GOSR2: variants seen among roughly 807,000 people sequenced by gnomAD.
GOSR2 encodes golgi SNAP receptor complex member 2.
GOSR2 carries 20 observed loss-of-function variants against 27.9 expected under a neutral mutation model. The observed-to-expected ratio is 0.72, with a 90% CI of 0.50 to 1.04. The LOEUF is 1.04. Among genes scored for constraint, GOSR2 ranks in the 50% least tolerant of loss-of-function variants. The pLI is 0.00. For synonymous variants in GOSR2, 91 were observed against 98.8 expected (o/e 0.92, Z 0.47); for missense variants, 261 against 270.5 (o/e 0.97, Z 0.25).
At chr17:46,949,856 G>A (rs1400079821) in intron 6 of GOSR2, among the ~76,000 whole-genome samples, 1 of 152,190 alleles carries the variant, frequency 6.6e-6, no homozygotes, top group African/African-American at 2.4e-5. Flanking sequence ...TGGAGCTCAG[G>A]CTTCAGGTTC....
At chr17:46,936,697 C>A (rs1284674419) in intron 5 of GOSR2, 2 of 984,566 alleles carry the variant, frequency 2.0e-6, no homozygotes, top group Non-Finnish European at 2.4e-6. Flanking sequence ...TGATCCTTAG[C>A]CTCATACAGT....
downstream of GOSR2, among the ~76,000 whole-genome samples, chr17:46,971,488 C>A (rs1302802163): frequency 6.6e-6 from 1 of 152,156 alleles, no homozygotes; most frequent in African/African-American, 2.4e-5. Flanking sequence ...CAGTGCCCCA[C>A]CCTAGCCTGG....
chr17:46,947,397 C>A (rs79288763), intron 6 of GOSR2, among the ~76,000 whole-genome samples: 1 of 152,136 alleles, frequency 6.6e-6, no homozygotes, highest in Non-Finnish European at 1.5e-5. Flanking sequence ...ACCAACCAGG[C>A]GGAGGCAGGG....
intron 5 of GOSR2, chr17:46,937,455 C>T (rs776290401): frequency 1.3e-5 from 2 of 152,196 alleles, no homozygotes; most frequent in Admixed American, 1.3e-4. Flanking sequence ...ATATAATTTA[C>T]AGACAGTAAG....
At chr17:46,956,274 GTCCTT>G (rs2090701424) in intron 6 of GOSR2, among the ~76,000 whole-genome samples, 2 of 126,098 alleles carry the variant, frequency 1.6e-5, no homozygotes, top group Admixed American at 1.9e-4. Context: ...TGCCTTGCCA[GTCCTT>G]TTTTTTTTTT....
chr17:46,963,530 T>G (rs1166476484), intron 6 of GOSR2, among the ~76,000 whole-genome samples: 1 of 116,662 alleles, frequency 8.6e-6, no homozygotes, highest in Non-Finnish European at 1.8e-5. Flanking sequence ...GGCGACAGAG[T>G]GAGGCTCGGT....
chr17:46,956,780 C>T (rs2090747385), intron 6 of GOSR2, among the ~76,000 whole-genome samples: 1 of 152,168 alleles, frequency 6.6e-6, no homozygotes, highest in Admixed American at 6.5e-5. Flanking sequence ...GAGAGGATAC[C>T]ACCATCTGCT....
intron 3 of GOSR2, 156 bp from the exon 4 acceptor site, chr17:46,931,911 G>A (rs999027867): frequency 1.5e-5 from 11 of 716,674 alleles, no homozygotes; most frequent in African/African-American, 1.1e-4. Context: ...TTTCAACATC[G>A]TTGATCAAAA....
In GOSR2 at chr17:46,931,180, C is replaced by A. The variant is rs1252615412; in HGVS notation, c.176C>A (p.Pro59His). 3.8e-6 allele frequency: 6 copies of A among 1,597,794 alleles called. No individual in the cohort carries two copies. The highest frequency in any genetic ancestry group is 1.7e-5 in the Admixed American group (1 of 59,984). The change falls in exon 3 of 6, where the codon CCC becomes CAC. Residue 59 changes from proline to histidine, a missense_variant. Coordinates refer to ENST00000640051, the MANE Select transcript of GOSR2 (RefSeq NM_004287.5). ...ERLEILSSKE[P>H]PNKRQNARLR... ...CTGGAGATTTTGTCCAGCAAGGAGC[C>A]CCCTAACAAAAGGCAAAATGCCAGA... is the stretch of plus-strand genomic sequence containing the variant.
At chr17:46,932,308 A>G (rs781295210) in intron 4 of GOSR2, 109 bp downstream of exon 4, 11 of 1,269,008 alleles carry the variant, frequency 8.7e-6, no homozygotes, top group Non-Finnish European at 1.3e-5. Flanking sequence ...AAGACTGATG[A>G]TGAGGAAACC....
chr17:46,940,548 C>G lies in GOSR2; in HGVS notation c.*1788C>G. On this transcript the variant is annotated 3_prime_UTR_variant, in exon 6 of 6. Coordinates refer to ENST00000640051, the MANE Select transcript of GOSR2 (RefSeq NM_004287.5). ...GACTGCGACGGCAAGGCTGTCCTGT[C>G]CCCCAGGCACCCAAGGATCCTGCCA... 1 of 1,614,060 alleles carries G rather than the reference C, an allele frequency of 6.2e-7. No homozygotes were observed. The highest frequency in any genetic ancestry group is 8.5e-7 in the Non-Finnish European group (1 of 1,179,948).
chr17:46,951,200 CAG>C (rs1314672796), intron 6 of GOSR2, among the ~76,000 whole-genome samples: 1 of 152,168 alleles, frequency 6.6e-6, no homozygotes, highest in Non-Finnish European at 1.5e-5. Flanking sequence ...AGGAGGCAGA[CAG>C]AGGTGGACGC....
At chr17:46,935,846 C>G (rs2088231375) in intron 5 of GOSR2, 1 of 986,058 alleles carries the variant, frequency 1.0e-6, no homozygotes, top group South Asian at 4.7e-5. Context: ...AGCCTCTGCC[C>G]TTTTCCTGTA....
intron 1 of GOSR2, among the ~76,000 whole-genome samples, chr17:46,925,804 T>C (rs141260272): frequency 0.017 from 2,541 of 152,328 alleles, 27 homozygotes; most frequent in Non-Finnish European, 0.027. Flanking sequence ...GATTGACATA[T>C]TAAAGTTACT....
chr17:46,943,662 C>T (rs1490434569), downstream of GOSR2, among the ~76,000 whole-genome samples: 1 of 152,226 alleles, frequency 6.6e-6, no homozygotes, highest in Non-Finnish European at 1.5e-5. Context: ...GCACTTGAGC[C>T]CATCCCCCAT....
At chr17:46,963,250 G>A (rs1006792593) in intron 6 of GOSR2, among the ~76,000 whole-genome samples, 1 of 152,230 alleles carries the variant, frequency 6.6e-6, no homozygotes, top group Non-Finnish European at 1.5e-5. Context: ...GATCAGTTAA[G>A]TAGGCAGATG....
At chr17:46,963,227 A>G (rs1209903599) in intron 6 of GOSR2, among the ~76,000 whole-genome samples, 1 of 152,220 alleles carries the variant, frequency 6.6e-6, no homozygotes, top group East Asian at 1.9e-4. Flanking sequence ...AGGAAAGTGG[A>G]TTCTATAAAG....
downstream of GOSR2, among the ~76,000 whole-genome samples, chr17:46,943,409 G>A (rs923641050): frequency 1.3e-5 from 2 of 152,130 alleles, no homozygotes; most frequent in African/African-American, 4.8e-5. Flanking sequence ...TGGACTGCTT[G>A]GTCTTCTCAG....
chr17:46,936,858 C>T, intron 5 of GOSR2: 1 of 980,986 alleles, frequency 1.0e-6, no homozygotes, highest in Non-Finnish European at 1.2e-6. Flanking sequence ...GCTGAGGCTT[C>T]TTAATTGCTT....
Sources: gnomAD v4.1 joint callset for allele counts (sites outside exome capture counted in the v4.1 genomes callset) on GRCh38, gnomAD v4.1.1 for gene constraint, MANE v1.5 for transcripts, NCBI Gene and HGNC (gene_info 2026-07-23, HGNC 2026-07-21) for gene names.